CCDC148: variants seen among roughly 807,000 people sequenced by gnomAD.
The protein encoded by CCDC148 is coiled-coil domain containing 148.
CCDC148 carries 89 observed loss-of-function variants against 85.7 expected under a neutral mutation model. That is an observed-to-expected ratio of 1.04 (90% CI 0.87 to 1.24). The LOEUF is 1.24. CCDC148 is among the 50% of genes most tolerant of loss of function. The pLI is 0.00. For synonymous variants in CCDC148, 230 were observed against 213.9 expected (o/e 1.08, Z -0.66); for missense variants, 692 against 671.7 (o/e 1.03, Z -0.33).
At chr2:158,406,631 T>TTTTGTTTTTTGTTTTTTG (rs1686033490) in intron 1 of CCDC148, among the ~76,000 whole-genome samples, 2 of 140,024 alleles carry the variant, frequency 1.4e-5, no homozygotes, top group African/African-American at 5.3e-5. Context: ...TTTTTTTTTT[T>TTTTGTTTTTTGTTTTTTG]TTTTTTTTTG....
At chr2:158,248,409 TA>T (rs1176537797) in intron 10 of CCDC148, among the ~76,000 whole-genome samples, 3 of 152,068 alleles carry the variant, frequency 2.0e-5, no homozygotes, top group South Asian at 2.1e-4. Context: ...ATCTCTATTT[TA>T]AAAAAATATT....
At chr2:158,427,986 C>A (rs1223743603) in intron 1 of CCDC148, among the ~76,000 whole-genome samples, 1 of 152,166 alleles carries the variant, frequency 6.6e-6, no homozygotes, top group Non-Finnish European at 1.5e-5. Context: ...ATGGCCAAAA[C>A]ACAGAGAGTC....
At chr2:158,454,776 T>C (rs1688534599) in intron 1 of CCDC148, among the ~76,000 whole-genome samples, 1 of 152,254 alleles carries the variant, frequency 6.6e-6, no homozygotes, top group Non-Finnish European at 1.5e-5. Flanking sequence ...TTTAACCTTG[T>C]CTAGCAATGC....
At chr2:158,305,021 T>G (rs111350594) in intron 9 of CCDC148, among the ~76,000 whole-genome samples, 4,094 of 152,226 alleles carry the variant, frequency 0.027, 73 homozygotes, top group Middle Eastern at 0.092. Context: ...CTTTTCTCCA[T>G]AGATCTCACA....
intron 9 of CCDC148, among the ~76,000 whole-genome samples, chr2:158,288,056 C>G (rs1574553882): frequency 6.6e-6 from 1 of 152,206 alleles, no homozygotes; most frequent in African/African-American, 2.4e-5. Flanking sequence ...CTTGCACCCT[C>G]TGTAGCCACA....
In CCDC148 at chr2:158,240,668, G is replaced by C. The variant is rs565164614; in HGVS notation, c.1251+10104C>G. Among the ~76,000 whole-genome samples the C allele has an allele frequency of 2.6e-5, 4 of 152,156 alleles. No homozygotes were observed. The East Asian group carries it at 5.8e-4, about 22-fold the overall frequency. On this transcript the variant is annotated intron_variant, in intron 10 of 13. Transcript: ENST00000283233. The stretch of plus-strand genomic sequence containing the variant: ...CACTCTGATTTTCCCACCGCCTGAA[G>C]CCCTGAGATCTGTATCACTCTCCCT...
chr2:158,443,501 CAA>C lies in CCDC148; in HGVS notation c.25+12912_25+12913del, dbSNP rs1226963790. On this transcript the variant is annotated intron_variant, in intron 1 of 13. Coordinates refer to ENST00000283233, the MANE Select transcript of CCDC148 (RefSeq NM_138803.4). ...CCTGGGCGACAGAGCAAGTCTATCT[CAA>C]AAAAAAAAAAAAAAAAAAAAGAAAA... 4.6e-3 allele frequency among the ~76,000 whole-genome samples: 271 copies of C among 59,304 alleles called. 1 individual carries two copies. Among genetic ancestry groups the C allele is most frequent in the African/African-American group, 0.014 (258 of 17,976 alleles). 38.9% of individuals were successfully genotyped at this position (59,304 alleles called of 152,430 possible).
chr2:158,313,666 G>T, intron 8 of CCDC148, 90 bp downstream of exon 8: 1 of 1,251,682 alleles, frequency 8.0e-7, no homozygotes, highest in Non-Finnish European at 1.1e-6. Flanking sequence ...AATTTTTAAA[G>T]AACCATTGAA....
At position 158,186,850 on chromosome 2, in the gene CCDC148, G is replaced by A. The variant is rs534143493; in HGVS notation, c.1371-7854C>T. 4.6e-5 allele frequency among the ~76,000 whole-genome samples: 7 copies of A among 151,958 alleles called. No individual in the cohort carries two copies. In the South Asian group the frequency reaches 1.5e-3, roughly 32 times the overall value. On this transcript the variant is annotated intron_variant, in intron 11 of 13. Coordinates refer to ENST00000283233, the MANE Select transcript of CCDC148 (RefSeq NM_138803.4). ...CTCCCAGGCTACAAGAACCAGTCAGGCTTTATCTCATTCTCTCCCCAGCTT... is the reference window on the plus strand; with the variant it reads ...CTCCCAGGCTACAAGAACCAGTCAGACTTTATCTCATTCTCTCCCCAGCTT...
chr2:158,298,665 T>G (rs1348467527), intron 9 of CCDC148, among the ~76,000 whole-genome samples: 1 of 152,210 alleles, frequency 6.6e-6, no homozygotes, highest in African/African-American at 2.4e-5. Flanking sequence ...ATTCAATAGA[T>G]TCTTAATTTA....
At chr2:158,318,022 A>G (rs115620226) in intron 7 of CCDC148, among the ~76,000 whole-genome samples, 8,932 of 152,230 alleles carry the variant, frequency 0.059, 585 homozygotes, top group African/African-American at 0.16. Context: ...GTCTGGCTGC[A>G]TCGGGTCTGA....
intron 11 of CCDC148, among the ~76,000 whole-genome samples, chr2:158,192,599 T>C (rs1259421606): frequency 6.6e-6 from 1 of 151,990 alleles, no homozygotes; most frequent in African/African-American, 2.4e-5. Flanking sequence ...TTTGTTCACA[T>C]TCTACACAGA....
At chr2:158,224,977 C>A (rs1231273805) in intron 10 of CCDC148, among the ~76,000 whole-genome samples, 1 of 152,054 alleles carries the variant, frequency 6.6e-6, no homozygotes, top group Non-Finnish European at 1.5e-5. Context: ...TGTAAATGGG[C>A]TAAATGCTCC....
chr2:158,264,531 C>T (rs918924458), intron 9 of CCDC148, among the ~76,000 whole-genome samples: 2 of 151,986 alleles, frequency 1.3e-5, no homozygotes, highest in African/African-American at 4.8e-5. Context: ...TGAATGCTAT[C>T]TTCTAGAAAG....
At chr2:158,339,260 T>C (rs7559323) in intron 5 of CCDC148, among the ~76,000 whole-genome samples, 175 bp from the exon 6 acceptor site, 25,799 of 152,102 alleles carry the variant, frequency 0.17, 3,492 homozygotes, top group African/African-American at 0.38. Context: ...AAATGAGCTG[T>C]GATAAGGCTT....
chr2:158,202,346 T>C (rs4089742), intron 11 of CCDC148, among the ~76,000 whole-genome samples: 9,993 of 152,272 alleles, frequency 0.066, 543 homozygotes, highest in African/African-American at 0.14. Context: ...TGGAAGTGAA[T>C]AGGCAGAAAG....
chr2:158,382,065 T>A (rs775294794), intron 1 of CCDC148, among the ~76,000 whole-genome samples: 2 of 152,078 alleles, frequency 1.3e-5, no homozygotes, highest in Non-Finnish European at 2.9e-5. Flanking sequence ...AAAGTGTGTA[T>A]TTGCCCCTTC....
intron 11 of CCDC148, among the ~76,000 whole-genome samples, chr2:158,219,526 C>CGGTA (rs1687060967): frequency 6.6e-6 from 1 of 152,174 alleles, no homozygotes; most frequent in African/African-American, 2.4e-5. Context: ...TTGTTCCTAC[C>CGGTA]ATACAGCTGC....
chr2:158,377,770 A>T lies in CCDC148; in HGVS notation c.26-19200T>A, dbSNP rs114107439. Reference sequence around the variant, plus strand: ...ACCCTTCATTATATTTATTATGGTGATCTATGATTGGTGATCTTTGATGAT... The same window carrying T: ...ACCCTTCATTATATTTATTATGGTGTTCTATGATTGGTGATCTTTGATGAT... On this transcript the variant is annotated intron_variant, in intron 1 of 13. Transcript: ENST00000283233. Among the ~76,000 whole-genome samples, 1,456 of 152,078 alleles carry T rather than the reference A, an allele frequency of 9.6e-3. 19 individuals are homozygous for T. The highest frequency in any genetic ancestry group is 0.033 in the African/African-American group (1,349 of 41,490).
Sources: allele counts gnomAD v4.1 joint callset (sites outside exome capture counted in the v4.1 genomes callset), GRCh38; gene constraint gnomAD v4.1.1; transcripts MANE v1.5; gene names NCBI Gene and HGNC (gene_info 2026-07-23, HGNC 2026-07-21).